ARMH3: variants seen among roughly 807,000 people sequenced by gnomAD.
ARMH3 encodes the protein armadillo like helical domain containing 3.
In ARMH3, 60 loss-of-function variants were observed where a neutral mutation model predicts 99.1. The observed-to-expected ratio is 0.61, with a 90% CI of 0.49 to 0.75. The LOEUF is 0.75. Among genes scored for constraint, ARMH3 ranks in the 30% least tolerant of loss-of-function variants. The pLI is 0.00. For synonymous variants in ARMH3, 285 were observed against 292.8 expected (o/e 0.97, Z 0.27); for missense variants, 679 against 843.1 (o/e 0.81, Z 2.41).
intron 14 of ARMH3, among the ~76,000 whole-genome samples, chr10:102,006,227 G>A (rs2066484262): frequency 6.6e-6 from 1 of 152,222 alleles, no homozygotes; most frequent in South Asian, 2.1e-4. Flanking sequence ...TCTCATCTGA[G>A]CCTCACAAGG....
At chr10:102,003,050 C>T (rs929164961) in intron 14 of ARMH3, among the ~76,000 whole-genome samples, 5 of 152,092 alleles carry the variant, frequency 3.3e-5, no homozygotes, top group Non-Finnish European at 7.3e-5. Context: ...CTGAGTTTTA[C>T]ATACCTAGCT....
intron 5 of ARMH3, among the ~76,000 whole-genome samples, chr10:102,027,031 C>G (rs2067014771): frequency 6.6e-6 from 1 of 152,142 alleles, no homozygotes; most frequent in Non-Finnish European, 1.5e-5. Context: ...GTAATCCCAG[C>G]ACTTTGGGAG....
chr10:101,847,587 G>A lies in ARMH3; in HGVS notation c.2011C>T (p.Leu671=), dbSNP rs1213447808. The change falls in exon 26 of 26, where the codon CTG becomes TTG. Residue 671 remains leucine, a synonymous_variant. Coordinates refer to ENST00000370033, the MANE Select transcript of ARMH3 (RefSeq NM_024541.3). ...RSISTNVRRN[L]AFHTLSQEVL... is the part of the protein sequence containing the mutation. ...TCTTGGCTGAGTGTGTGGAAGGCCA[G>A]GTTTCTCCGGACGTTGGTGCTAATG... The A allele has an allele frequency of 6.2e-7, 1 of 1,614,182 alleles. No homozygotes were observed. Among genetic ancestry groups the A allele is most frequent in the Non-Finnish European group, 8.5e-7 (1 of 1,180,030 alleles).
intron 23 of ARMH3, among the ~76,000 whole-genome samples, chr10:101,890,227 C>CATAT (rs921545002): frequency 4.7e-5 from 7 of 147,966 alleles, no homozygotes; most frequent in African/African-American, 9.9e-5. Context: ...CTCTTTTTTT[C>CATAT]ATATATATAT....
intron 1 of ARMH3, among the ~76,000 whole-genome samples, chr10:102,053,760 T>C (rs1016210739): frequency 1.3e-5 from 2 of 151,652 alleles, no homozygotes; most frequent in Non-Finnish European, 2.9e-5. Flanking sequence ...CCTGGGTTCA[T>C]GCCATTCTCC....
intron 24 of ARMH3, among the ~76,000 whole-genome samples, chr10:101,852,477 C>T (rs979596191): frequency 2.6e-5 from 4 of 152,196 alleles, no homozygotes; most frequent in African/African-American, 4.8e-5. Flanking sequence ...CAGAAGCAGC[C>T]GGACATGGTG....
In ARMH3 at chr10:101,865,022, A is replaced by C. The variant is rs187773988; in HGVS notation, c.1861-15130T>G. 9.7e-3 allele frequency among the ~76,000 whole-genome samples: 1,472 copies of C among 151,960 alleles called. 18 individuals carry two copies. Among genetic ancestry groups the C allele is most frequent in the Admixed American group, 0.03 (464 of 15,258 alleles). The stretch of plus-strand genomic sequence containing the variant: ...ACAAGGTCAGAAGATCGAGACCATC[A>C]TGGCTAACATGGTGAAACCCCGTCT... On this transcript the variant is annotated intron_variant, in intron 24 of 25. Transcript: ENST00000370033.
chr10:102,006,708 A>C, intron 13 of ARMH3, 75 bp from the exon 14 acceptor site: 1 of 1,355,342 alleles, frequency 7.4e-7, no homozygotes, highest in South Asian at 1.2e-5. Flanking sequence ...TAATACCAAT[A>C]AGGACTGGTA....
At chr10:101,849,527 C>T (rs1024436573) in intron 25 of ARMH3, among the ~76,000 whole-genome samples, 3 of 152,216 alleles carry the variant, frequency 2.0e-5, no homozygotes, top group Non-Finnish European at 2.9e-5. Flanking sequence ...TGGGAACACA[C>T]GTCAAACCCC....
At chr10:101,962,575 C>T (rs1845345997) in intron 20 of ARMH3, among the ~76,000 whole-genome samples, 1 of 152,190 alleles carries the variant, frequency 6.6e-6, no homozygotes, top group South Asian at 2.1e-4. Flanking sequence ...TTATGTAAAG[C>T]ACTTAAATTA....
At chr10:102,050,313 G>C (rs2067667375) in intron 1 of ARMH3, among the ~76,000 whole-genome samples, 1 of 150,850 alleles carries the variant, frequency 6.6e-6, no homozygotes, top group African/African-American at 2.4e-5. Context: ...GCCAGGCGTG[G>C]TGGTGGGCAC....
intron 24 of ARMH3, among the ~76,000 whole-genome samples, chr10:101,868,764 T>C (rs2067065150): frequency 6.6e-6 from 1 of 152,218 alleles, no homozygotes; most frequent in African/African-American, 2.4e-5. Context: ...GTTAATCAAC[T>C]GTTTATGTTA....
chr10:102,002,204 T>G, intron 14 of ARMH3, 132 bp from the exon 15 acceptor site: 2 of 1,347,284 alleles, frequency 1.5e-6, no homozygotes, highest in South Asian at 1.5e-5. Context: ...GAGGACCAAG[T>G]GCTCATCACA....
intron 24 of ARMH3, among the ~76,000 whole-genome samples, chr10:101,885,937 A>G (rs532221837): frequency 1.4e-3 from 211 of 152,160 alleles, no homozygotes; most frequent in African/African-American, 4.9e-3. Context: ...GGTGCCTGTA[A>G]TCCCAGCTAC....
chr10:101,985,595 T>TC (rs1008728429), intron 19 of ARMH3, among the ~76,000 whole-genome samples: 1 of 151,844 alleles, frequency 6.6e-6, no homozygotes, highest in African/African-American at 2.4e-5. Context: ...AAGCCTGTAG[T>TC]CCTAGTTACT....
intron 8 of ARMH3, 122 bp downstream of exon 8, chr10:102,023,355 C>T: frequency 9.2e-6 from 8 of 865,850 alleles, no homozygotes; most frequent in Non-Finnish European, 1.4e-5. Context: ...TCTGGATTAT[C>T]AAAATTAATC....
At chr10:101,903,627 C>CA (rs2068030928) in intron 23 of ARMH3, among the ~76,000 whole-genome samples, 2 of 152,164 alleles carry the variant, frequency 1.3e-5, no homozygotes, top group African/African-American at 4.8e-5. Flanking sequence ...CATTTTCTTA[C>CA]AGGGAAGGAG....
At chr10:101,882,579 A>C (rs2067445235) in intron 24 of ARMH3, among the ~76,000 whole-genome samples, 1 of 152,178 alleles carries the variant, frequency 6.6e-6, no homozygotes. Flanking sequence ...GGCTCACTGC[A>C]ATCTCTGCCT....
chr10:101,943,082 G>A (rs1156780280), intron 22 of ARMH3, among the ~76,000 whole-genome samples: 3 of 152,246 alleles, frequency 2.0e-5, no homozygotes, highest in Non-Finnish European at 4.4e-5. Flanking sequence ...TGCAGGGTTG[G>A]GAAGAGGAAT....
Sources: gnomAD v4.1 joint callset for allele counts (sites outside exome capture counted in the v4.1 genomes callset) on GRCh38, gnomAD v4.1.1 for gene constraint, MANE v1.5 for transcripts, NCBI Gene and HGNC (gene_info 2026-07-23, HGNC 2026-07-21) for gene names.